The following SPAG17 variants were observed in gnomAD, a reference collection of about 807,000 sequenced individuals.
SPAG17 encodes sperm associated antigen 17, also known as sperm-associated antigen 17.
Under a neutral mutation model 273.6 loss-of-function variants are expected in SPAG17, and 169 were observed. The ratio of observed to expected loss-of-function variants is 0.62; its 90% CI spans 0.55 to 0.70. The LOEUF is 0.70. Ranked by LOEUF, SPAG17 falls within the 30% of genes least tolerant of loss-of-function variation. The pLI is 0.00. For synonymous variants in SPAG17, 825 were observed against 873.2 expected (o/e 0.94, Z 0.97); for missense variants, 2,557 against 2,627.8 (o/e 0.97, Z 0.59).
Position 118,087,020 on chromosome 1 carries a change from A to G in SPAG17, c.1360-12T>C, listed in dbSNP as rs1266844073. ...TCAGTTGCAACAACCTGTTGAAATC[A>G]ACAATGAGAGGAATTGGTGTAAGGG... On this transcript the variant is annotated splice_polypyrimidine_tract_variant and intron_variant, in intron 10 of 48. Coordinates refer to ENST00000336338, the MANE Select transcript of SPAG17 (RefSeq NM_206996.4). 4.5e-6 allele frequency: 7 copies of G among 1,552,598 alleles called. No individual in the cohort carries two copies. The East Asian group carries it at 1.4e-4, about 30-fold the overall frequency.
intron 1 of SPAG17, among the ~76,000 whole-genome samples, chr1:118,171,908 G>C (rs2102394725): frequency 6.6e-6 from 1 of 152,254 alleles, no homozygotes; most frequent in East Asian, 1.9e-4. Context: ...ATCACTACAT[G>C]TCTTTGGACC....
At chr1:118,173,501 C>T (rs1371061366) in intron 1 of SPAG17, among the ~76,000 whole-genome samples, 1 of 152,086 alleles carries the variant, frequency 6.6e-6, no homozygotes, top group Non-Finnish European at 1.5e-5. Flanking sequence ...CAGTGGCATG[C>T]TTTTCGGTAC....
chr1:117,971,382 C>T (rs1405975297), intron 45 of SPAG17, among the ~76,000 whole-genome samples: 1 of 152,194 alleles, frequency 6.6e-6, no homozygotes, highest in Non-Finnish European at 1.5e-5. Context: ...ACAAGTTACA[C>T]AGTTTCTCCT....
At chr1:117,973,400 G>T (rs978431927) in intron 44 of SPAG17, 25 bp downstream of exon 44, 3 of 1,606,436 alleles carry the variant, frequency 1.9e-6, no homozygotes, top group Non-Finnish European at 1.7e-6. Flanking sequence ...TGGCTGTGGG[G>T]AATTTGTTCC....
chr1:117,968,659 T>C (rs1475361267), intron 46 of SPAG17, among the ~76,000 whole-genome samples: 4 of 152,216 alleles, frequency 2.6e-5, no homozygotes, highest in Admixed American at 1.3e-4. Flanking sequence ...AACTGCTTGA[T>C]GGCATAGTCG....
chr1:118,048,189 C>G (rs769065766), intron 20 of SPAG17, among the ~76,000 whole-genome samples: 22 of 152,078 alleles, frequency 1.4e-4, no homozygotes, highest in Non-Finnish European at 2.8e-4. Context: ...TATTTGTAGG[C>G]CCATCTAAGT....
In SPAG17 at chr1:118,172,368, G is replaced by T. The variant is rs1490206661; in HGVS notation, c.87+12703C>A. On this transcript the variant is annotated intron_variant, in intron 1 of 48. Transcript: ENST00000336338. The stretch of plus-strand genomic sequence containing the variant: ...AATGAATACTGGAGTAGTGGGTCGG[G>T]CTGGGTTAAGAGGTGCATGGGTTGC... Among the ~76,000 whole-genome samples, 3 of 152,174 alleles carry T rather than the reference G, an allele frequency of 2.0e-5. No individual in the cohort carries two copies. The East Asian group carries it at 5.8e-4, about 29-fold the overall frequency.
intron 16 of SPAG17, 89 bp downstream of exon 16, chr1:118,074,450 C>A: frequency 9.0e-7 from 1 of 1,109,294 alleles, no homozygotes; most frequent in Non-Finnish European, 1.4e-6. Flanking sequence ...TAAGTATCTT[C>A]TTTTTTCTTT....
intron 3 of SPAG17, among the ~76,000 whole-genome samples, chr1:118,147,725 G>A (rs1276891276): frequency 1.3e-5 from 2 of 152,204 alleles, no homozygotes; most frequent in Admixed American, 6.5e-5. Context: ...ATGAGGCTGT[G>A]TGTACACAAC....
At chr1:118,074,698 T>C in intron 15 of SPAG17, 98 bp from the exon 16 acceptor site, 1 of 1,122,590 alleles carries the variant, frequency 8.9e-7, no homozygotes, top group Non-Finnish European at 1.3e-6. Flanking sequence ...GATCTATGTT[T>C]CTGTGCTGAA....
intron 15 of SPAG17, among the ~76,000 whole-genome samples, chr1:118,079,470 T>G (rs2102136650): frequency 6.6e-6 from 1 of 152,152 alleles, no homozygotes; most frequent in South Asian, 2.1e-4. Context: ...TATTCATGGG[T>G]TTTTATGATT....
chr1:118,142,527 G>A (rs1228976710), intron 3 of SPAG17, among the ~76,000 whole-genome samples: 3 of 152,082 alleles, frequency 2.0e-5, no homozygotes, highest in Non-Finnish European at 4.4e-5. Context: ...TGGGTTTCTA[G>A]TATTTTCATG....
intron 1 of SPAG17, among the ~76,000 whole-genome samples, chr1:118,156,773 C>G (rs1177110766): frequency 6.6e-6 from 1 of 152,136 alleles, no homozygotes; most frequent in Non-Finnish European, 1.5e-5. Flanking sequence ...AACCTACTAC[C>G]TATAGGCTGC....
intron 1 of SPAG17, among the ~76,000 whole-genome samples, chr1:118,162,643 T>C (rs551707742): frequency 6.6e-6 from 1 of 152,332 alleles, no homozygotes; most frequent in South Asian, 2.1e-4. Flanking sequence ...TACTAATAAT[T>C]AATATTTACT....
At chr1:117,979,122 G>A (rs1655471093) in intron 43 of SPAG17, among the ~76,000 whole-genome samples, 1 of 152,088 alleles carries the variant, frequency 6.6e-6, no homozygotes, top group Non-Finnish European at 1.5e-5. Context: ...ACCCGCCTCA[G>A]CCTTCCAAAG....
intron 20 of SPAG17, among the ~76,000 whole-genome samples, chr1:118,046,671 A>T (rs1650391998): frequency 6.6e-6 from 1 of 152,196 alleles, no homozygotes; most frequent in South Asian, 2.1e-4. Flanking sequence ...AAGGACATCC[A>T]TGTAGGTACT....
intron 31 of SPAG17, among the ~76,000 whole-genome samples, chr1:118,006,156 C>T (rs958533255): frequency 6.6e-6 from 1 of 152,080 alleles, no homozygotes; most frequent in Admixed American, 6.5e-5. Context: ...TGTATAATTC[C>T]GTGGGTTTTA....
In SPAG17 at chr1:118,185,076, T is replaced by C; in HGVS notation, c.82A>G (p.Asn28Asp). The part of the protein sequence containing the change: ...WEPSLIAAQF[N>D]QNDWQASIAF... ...TTAAAGGGCTCAAGGCTCACCTGAT[T>C]GAACTGTGCAGCTATGAGCGAGGGT... Residue 28 changes from asparagine (N) to aspartate (D), a missense_variant, in exon 1 of 49, where the codon AAT becomes GAT. By Grantham distance (23) the Asn-to-Asp change is conservative (BLOSUM62 1). Transcript: ENST00000336338. 3 of 1,614,046 alleles carry C rather than the reference T, an allele frequency of 1.9e-6. No homozygotes were observed. Among genetic ancestry groups the C allele is most frequent in the Non-Finnish European group, 2.5e-6 (3 of 1,179,880 alleles).
At chr1:118,074,046 C>A (rs1653861005) in intron 16 of SPAG17, 79 bp from the exon 17 acceptor site, 1 of 864,588 alleles carries the variant, frequency 1.2e-6, no homozygotes, top group African/African-American at 1.8e-5. Flanking sequence ...CGTCAACTAA[C>A]CAGTATGTAC....
Sources: gnomAD v4.1 joint callset for allele counts (sites outside exome capture counted in the v4.1 genomes callset) on GRCh38, gnomAD v4.1.1 for gene constraint, MANE v1.5 for transcripts, NCBI Gene and HGNC (gene_info 2026-07-23, HGNC 2026-07-21) for gene names.